PNPLA6: variants seen among roughly 807,000 people sequenced by gnomAD.
PNPLA6 encodes the protein patatin-like phospholipase domain-containing protein 6.
In PNPLA6, 105 loss-of-function variants were observed where a neutral mutation model predicts 153.7. The ratio of observed to expected loss-of-function variants is 0.68; its 90% confidence interval spans 0.58 to 0.80. The LOEUF (loss-of-function observed/expected upper bound fraction) is 0.80, where lower values mean the gene tolerates loss of function less well. Among genes scored for constraint, PNPLA6 ranks in the 30% least tolerant of loss-of-function variants. The probability of loss-of-function intolerance (pLI) is 0.00; values close to 1 mark genes in which losing one functional copy is unlikely to be tolerated. For missense variants in PNPLA6, 1,423 were observed against 1,919.3 expected (o/e 0.74, Z 4.83); for synonymous variants, 825 against 822.2 (o/e 1.00, Z -0.06).
Position 7,561,743 on chromosome 19 carries a change from C to T in PNPLA6, c.*181C>T, listed in dbSNP as rs1472394590. 2 of 701,642 alleles carry T rather than the reference C, an allele frequency of 2.9e-6. No individual in the cohort carries two copies. Among genetic ancestry groups the T allele is most frequent in the Non-Finnish European group, 5.2e-6 (2 of 384,832 alleles). 43.5% of individuals were successfully genotyped at this position (701,642 alleles called of 1,614,324 possible). A position where few individuals can be genotyped will look rare whatever the true frequency, so the allele number is the denominator to read the frequency against. On this transcript the variant is annotated 3_prime_UTR_variant, in exon 32 of 32. Transcript: ENST00000600737. Reference sequence around the variant, plus strand: ...CTGATGACTTGACCAGCCCCTCCCCCAATAAACTCGCCTCTTGGAAATGGC... The same window carrying T: ...CTGATGACTTGACCAGCCCCTCCCCTAATAAACTCGCCTCTTGGAAATGGC...
At chr19:7,560,936 C>A in intron 29 of PNPLA6, 78 bp from the exon 30 acceptor site, 1 of 903,594 alleles carries the variant, frequency 1.1e-6, no homozygotes, top group Non-Finnish European at 1.8e-6. Flanking sequence ...TCTGAGCCCC[C>A]AATGCACCAC....
chr19:7,555,470 C>A lies in PNPLA6; in HGVS notation c.2936+103C>A. 1 of 1,344,678 alleles carries A rather than the reference C, an allele frequency of 7.4e-7. No individual in the cohort carries two copies. The highest frequency in any genetic ancestry group is 1.0e-6 in the Non-Finnish European group (1 of 971,980). 83.3% of individuals were successfully genotyped at this position (1,344,678 alleles called of 1,614,324 possible). ...GGGGCCTGGGTGTTCGAGGGTGGAGCTTCCCCTCCGGGAGAGACCCCGTGG... is the reference window on the plus strand; with the variant it reads ...GGGGCCTGGGTGTTCGAGGGTGGAGATTCCCCTCCGGGAGAGACCCCGTGG... On this transcript the variant is annotated intron_variant, in intron 23 of 31. Coordinates refer to ENST00000600737, the MANE Select transcript of PNPLA6 (RefSeq NM_001166114.2). This position sits in a 1 kb window ranked among gnomAD's most constrained non-coding sequence, Gnocchi z 6.3.
rs1186059753 is a variant in PNPLA6 at position 7,555,967 on chromosome 19, A to AC, written c.3093+207dup. On this transcript the variant is annotated intron_variant, in intron 24 of 31. Coordinates refer to ENST00000600737, the MANE Select transcript of PNPLA6 (RefSeq NM_001166114.2). The surrounding 1 kb of genome is among the most constrained non-coding windows in gnomAD (Gnocchi z 6.3). ...TGGGACCTCCTGTCTACTGACCCTA[A>AC]CCCATAACCCCCAACGAGAGCACCC... Among the ~76,000 whole-genome samples, 1 of 150,018 alleles carries AC rather than the reference A, an allele frequency of 6.7e-6. No individual in the cohort carries two copies. Among genetic ancestry groups the AC allele is most frequent in the African/African-American group, 2.5e-5 (1 of 40,592 alleles).
Position 7,540,453 on chromosome 19 carries a change from C to T in PNPLA6, c.714+145C>T, listed in dbSNP as rs552461432. 9.6e-4 allele frequency: 1,016 copies of T among 1,059,326 alleles called. 2 individuals are homozygous for T. The highest frequency in any genetic ancestry group is 5.6e-3 in the Middle Eastern group (19 of 3,414). The allele number at this position is 1,059,326 out of a possible 1,614,324, so 65.6% of individuals were successfully genotyped here. A position where few individuals can be genotyped will look rare whatever the true frequency, so the allele number is the denominator to read the frequency against. The stretch of plus-strand genomic sequence containing the variant: ...GACCGAGGACATTTGGGGTAGTCTG[C>T]GTAGTTGCTCAGTAGTTACAAGTAT... On this transcript the variant is annotated intron_variant, in intron 5 of 31. Transcript: ENST00000600737. This position sits in a 1 kb window ranked among gnomAD's most constrained non-coding sequence, Gnocchi z 6.8.
In PNPLA6 at chr19:7,535,848, G is replaced by A; in HGVS notation, c.60G>A (p.Arg20=). 2 of 1,538,138 alleles carry A rather than the reference G, an allele frequency of 1.3e-6. No individual in the cohort carries two copies. The highest frequency in any genetic ancestry group is 1.7e-6 in the Non-Finnish European group (2 of 1,147,266). Residue 20 remains arginine (R), a synonymous_variant, in exon 1 of 32, where the codon AGG becomes AGA. Transcript: ENST00000600737. The surrounding 1 kb of genome is among the most constrained non-coding windows in gnomAD (Gnocchi z 5.0). ...TNSSGAKVAE[R]DGFQDVLAPG... is the part of the protein sequence containing the mutation. ...CCTCGGGGGCGAAGGTGGCGGAGAG[G>A]GATGGGTTCCAGGACGTCCTGGCGC...
Position 7,541,932 on chromosome 19 carries a change from A to G in PNPLA6, c.1169-52A>G. 10 of 1,476,020 alleles carry G rather than the reference A, an allele frequency of 6.8e-6. No individual in the cohort carries two copies. The highest frequency in any genetic ancestry group is 8.5e-6 in the Non-Finnish European group (9 of 1,062,204). 91.4% of individuals were successfully genotyped at this position (1,476,020 alleles called of 1,614,324 possible). ...GCATCTCCTTATCTCCCAACCTGCT[A>G]ATCCTCCTAGTGGCTCTGAGGGGCA... is the stretch of plus-strand genomic sequence containing the variant. On this transcript the variant is annotated intron_variant, in intron 9 of 31. Coordinates refer to ENST00000600737, the MANE Select transcript of PNPLA6 (RefSeq NM_001166114.2). The surrounding 1 kb of genome is among the most constrained non-coding windows in gnomAD (Gnocchi z 5.2).
chr19:7,554,897 A>G lies in PNPLA6; in HGVS notation c.2639A>G (p.Glu880Gly). The change falls in exon 22 of 32, where the codon GAG becomes GGG. Residue 880 changes from glutamate to glycine, a missense_variant. By Grantham distance (98) the Glu-to-Gly change is moderately conservative. This residue lies in a region of PNPLA6 where 643 missense variants were observed against 835.2 expected (regional missense o/e 0.77). Coordinates refer to ENST00000600737, the MANE Select transcript of PNPLA6 (RefSeq NM_001166114.2). ...GDQEPTLGQL[E>G]QMLENTAVRA... Reference sequence around the variant, plus strand: ...TCAGCCGTCCGTATTCCGCAGCTGGAGCAGATGCTGGAGAACACGGCTGTG... The same window carrying G: ...TCAGCCGTCCGTATTCCGCAGCTGGGGCAGATGCTGGAGAACACGGCTGTG... 1 of 1,584,262 alleles carries G rather than the reference A, an allele frequency of 6.3e-7. No individual in the cohort carries two copies. The highest frequency in any genetic ancestry group is 1.7e-5 in the Admixed American group (1 of 58,342).
chr19:7,535,529 G>T (rs1263764756), upstream of PNPLA6: 1 of 1,595,470 alleles, frequency 6.3e-7, no homozygotes, highest in Non-Finnish European at 8.5e-7. This position sits in a 1 kb window ranked among gnomAD's most constrained non-coding sequence, Gnocchi z 5.0. Context: ...TACCAGATCG[G>T]CCGTCCAGCT....
chr19:7,536,107 C>G, intron 1 of PNPLA6, 84 bp from the exon 2 acceptor site: 2 of 1,554,848 alleles, frequency 1.3e-6, no homozygotes, highest in Non-Finnish European at 8.9e-7. Context: ...TGGGGATTTG[C>G]TGGCGTCTGT....
At chr19:7,558,053 A>T (rs2023961000) in intron 27 of PNPLA6, among the ~76,000 whole-genome samples, 1 of 152,212 alleles carries the variant, frequency 6.6e-6, no homozygotes, top group Non-Finnish European at 1.5e-5. Context: ...TTGCCAACGC[A>T]TGCCAGTCTG....
Position 7,560,745 on chromosome 19 carries a change from A to G in PNPLA6, c.3797A>G (p.Asn1266Ser), listed in dbSNP as rs1369226297. Reference protein sequence around the residue: ...MLTDRRSTDLNESRRADVLAF... With the variant: ...MLTDRRSTDLSESRRADVLAF... ...ACAGACCGGCGGTCTACAGACCTTA[A>G]TGAGAGCCGCCGTGCAGACGTAAGC... The change falls in exon 29 of 32, where the codon AAT (asparagine) becomes AGT (serine). Residue 1266 changes from asparagine to serine, a missense_variant. Asn to Ser is a conservative substitution (Grantham distance 46). Coordinates refer to ENST00000600737, the MANE Select transcript of PNPLA6 (RefSeq NM_001166114.2). 2 of 1,609,956 alleles carry G rather than the reference A, an allele frequency of 1.2e-6. No homozygotes were observed. The highest frequency in any genetic ancestry group is 8.5e-7 in the Non-Finnish European group (1 of 1,176,306).
rs749879325 is a variant in PNPLA6, at chr19:7,540,193, G to A, written c.599G>A (p.Arg200His). 6.2e-6 allele frequency: 10 copies of A among 1,610,736 alleles called. No individual in the cohort carries two copies. The highest frequency in any genetic ancestry group is 1.7e-4 in the Middle Eastern group (1 of 6,058). ...AAGCCACTCTTCCTGGAGCTCTGCC[G>A]CCACATGGTCTTCCAGCGGCTGGGC... ...FEKPLFLELC[R>H]HMVFQRLGQG... The change falls in exon 5 of 32, where the codon CGC becomes CAC. Residue 200 changes from arginine (R) to histidine (H), a missense_variant. Arg to His is a conservative substitution (Grantham distance 29, BLOSUM62 0). This residue lies in a region of PNPLA6 where 74 missense variants were observed against 171.3 expected (regional missense o/e 0.43). Transcript: ENST00000600737. This position sits in a 1 kb window ranked among gnomAD's most constrained non-coding sequence, Gnocchi z 6.8.
At position 7,540,961 on chromosome 19, in the gene PNPLA6, G is replaced by T. The variant is rs1262510936; in HGVS notation, c.834G>T (p.Ala278=). ...CCCAGCGGACCGTGTCTGCCCGGGC[G>T]GCCCGGGACTCCACGGTGCTGCGCC... The part of the protein sequence containing the change: ...QHPQRTVSAR[A]ARDSTVLRLP... The change falls in exon 7 of 32, where the codon GCG becomes GCT. Residue 278 remains alanine, a synonymous_variant. Coordinates refer to ENST00000600737, the MANE Select transcript of PNPLA6 (RefSeq NM_001166114.2). The surrounding 1 kb of genome is among the most constrained non-coding windows in gnomAD (Gnocchi z 6.8). 1 of 1,612,014 alleles carries T rather than the reference G, an allele frequency of 6.2e-7. No individual in the cohort carries two copies. Among genetic ancestry groups the T allele is most frequent in the Non-Finnish European group, 8.5e-7 (1 of 1,179,626 alleles).
At chr19:7,543,396 C>T (rs923097319) in intron 13 of PNPLA6, among the ~76,000 whole-genome samples, 2 of 152,198 alleles carry the variant, frequency 1.3e-5, no homozygotes, top group African/African-American at 4.8e-5. Context: ...ACTTCTGATC[C>T]TGCAGTATTC....
intron 13 of PNPLA6, among the ~76,000 whole-genome samples, chr19:7,547,631 C>T (rs1478243234): frequency 2.6e-5 from 4 of 151,610 alleles, no homozygotes; most frequent in Non-Finnish European, 4.4e-5. Flanking sequence ...CGTGAGCCAC[C>T]GCACTTGGCC....
Position 7,541,286 on chromosome 19 carries a change from C to A in PNPLA6, c.925-68C>A. On this transcript the variant is annotated intron_variant, in intron 7 of 31. Coordinates refer to ENST00000600737, the MANE Select transcript of PNPLA6 (RefSeq NM_001166114.2). This position sits in a 1 kb window ranked among gnomAD's most constrained non-coding sequence, Gnocchi z 5.2. ...CCGACCCCTTATGCTGCGAACTAGC[C>A]CGGCCCACCATCTGGCCCTGCCCCT... 1 of 1,408,920 alleles carries A rather than the reference C, an allele frequency of 7.1e-7. No individual in the cohort carries two copies. Among genetic ancestry groups the A allele is most frequent in the South Asian group, 1.2e-5 (1 of 84,618 alleles). The allele number at this position is 1,408,920 out of a possible 1,614,324, so 87.3% of individuals were successfully genotyped here.
At chr19:7,539,721 C>G (rs1599270644) in intron 3 of PNPLA6, among the ~76,000 whole-genome samples, 197 bp from the exon 4 acceptor site, 1 of 147,310 alleles carries the variant, frequency 6.8e-6, no homozygotes, top group African/African-American at 2.5e-5. Flanking sequence ...CGCACCATTG[C>G]ACTCCAGCCT....
intron 18 of PNPLA6, among the ~76,000 whole-genome samples, chr19:7,553,332 A>G (rs971515526): frequency 6.6e-6 from 1 of 152,094 alleles, no homozygotes; most frequent in African/African-American, 2.4e-5. Context: ...GCTCACTGCA[A>G]CCTCTGCCTC....
Position 7,542,683 on chromosome 19 carries a change from A to T in PNPLA6, c.1362+13A>T. 6.2e-7 allele frequency: 1 copy of T among 1,611,930 alleles called. No homozygotes were observed. The highest frequency in any genetic ancestry group is 8.5e-7 in the Non-Finnish European group (1 of 1,179,172). ...AGCCCCCGCTCGGGTAAGGCTTGGG[A>T]CCCTGCCCGGTGGTGGAGCCCGCAG... On this transcript the variant is annotated intron_variant, in intron 11 of 31. Transcript: ENST00000600737.
Sources: allele counts gnomAD v4.1 joint callset (sites outside exome capture counted in the v4.1 genomes callset), GRCh38; gene constraint gnomAD v4.1.1; regional missense constraint gnomAD v4.1.1; non-coding constraint Gnocchi (gnomAD v3.1); transcripts MANE v1.5; gene names NCBI Gene and HGNC (gene_info 2026-07-23, HGNC 2026-07-21).